The following PARD6G variants were observed in gnomAD, a reference collection of about 807,000 sequenced individuals.
PARD6G encodes the protein par-6 family cell polarity regulator gamma, also known as partitioning defective 6 homolog gamma.
Under a neutral mutation model 10.7 loss-of-function variants are expected in PARD6G, and 7 were observed. The observed-to-expected ratio is 0.66, with a 90% confidence interval of 0.37 to 1.23. The LOEUF (loss-of-function observed/expected upper bound fraction) is 1.23. Among genes scored for constraint, PARD6G ranks in the 50% most tolerant of loss-of-function variants. The probability of loss-of-function intolerance (pLI) is 0.02; values close to 1 mark genes in which losing one functional copy is unlikely to be tolerated. For synonymous variants in PARD6G, 287 were observed against 269.4 expected (o/e 1.07, Z -0.64); for missense variants, 548 against 571.8 (o/e 0.96, Z 0.42).
rs948582187 is a variant in PARD6G at position 80,228,308 on chromosome 18, G to C, written c.72+18969C>G. ...GGGAGGTGAGGGGAGGTGAGCGGAG[G>C]GGAGGCCAGGGGAGGGGAGTTCCCG... On this transcript the variant is annotated intron_variant, in intron 1 of 2. Transcript: ENST00000353265. The surrounding 1 kb of genome is among the most constrained non-coding windows in gnomAD (Gnocchi z 4.6). Among the ~76,000 whole-genome samples the C allele has an allele frequency of 3.3e-5, 5 of 152,042 alleles. No homozygotes were observed. The highest frequency in any genetic ancestry group is 2.0e-4 in the Admixed American group (3 of 15,266).
Position 80,231,744 on chromosome 18 carries a change from G to C in PARD6G, c.72+15533C>G, listed in dbSNP as rs1375644552. On this transcript the variant is annotated intron_variant, in intron 1 of 2. Coordinates refer to ENST00000353265, the MANE Select transcript of PARD6G (RefSeq NM_032510.4). The surrounding 1 kb of genome is among the most constrained non-coding windows in gnomAD (Gnocchi z 4.2). ...TCCAGCCAATGGGAGCAATTCACTC[G>C]CTCAACTTGCTCACCAAGCTGTTTG... is the stretch of plus-strand genomic sequence containing the variant. 6.6e-6 allele frequency among the ~76,000 whole-genome samples: 1 copy of C among 152,092 alleles called. No individual in the cohort carries two copies. Among genetic ancestry groups the C allele is most frequent in the Non-Finnish European group, 1.5e-5 (1 of 68,008 alleles).
Position 80,200,744 on chromosome 18 carries a change from A to C in PARD6G, c.295+1966T>G, listed in dbSNP as rs1280958097. Reference sequence around the variant, plus strand: ...ACTGAACACAGGGCCCCAGCCAGCAAGCTGGAAAGAGGCAGAGTGTCCGAG... The same window carrying C: ...ACTGAACACAGGGCCCCAGCCAGCACGCTGGAAAGAGGCAGAGTGTCCGAG... On this transcript the variant is annotated intron_variant, in intron 2 of 2. Transcript: ENST00000353265. This position sits in a 1 kb window ranked among gnomAD's most constrained non-coding sequence, Gnocchi z 4.4. Among the ~76,000 whole-genome samples the C allele has an allele frequency of 1.3e-5, 2 of 152,208 alleles. No individual in the cohort carries two copies. Among genetic ancestry groups the C allele is most frequent in the African/African-American group, 4.8e-5 (2 of 41,442 alleles).
chr18:80,180,445 G>C lies in PARD6G; in HGVS notation c.296-19839C>G, dbSNP rs987401471. 6.6e-6 allele frequency among the ~76,000 whole-genome samples: 1 copy of C among 152,184 alleles called. No individual in the cohort carries two copies. The highest frequency in any genetic ancestry group is 1.5e-5 in the Non-Finnish European group (1 of 68,018). On this transcript the variant is annotated intron_variant, in intron 2 of 2. Coordinates refer to ENST00000353265, the MANE Select transcript of PARD6G (RefSeq NM_032510.4). This position sits in a 1 kb window ranked among gnomAD's most constrained non-coding sequence, Gnocchi z 5.6. Reference sequence around the variant, plus strand: ...TCACAGAGGCTCCCAGGCTACACTGGAGGAGGCTCTGCTCCATGGTGTACA... The same window carrying C: ...TCACAGAGGCTCCCAGGCTACACTGCAGGAGGCTCTGCTCCATGGTGTACA...
At position 80,247,449 on chromosome 18, in the gene PARD6G, CG is replaced by C; in HGVS notation, c.-102del. On this transcript the variant is annotated 5_prime_UTR_variant, in exon 1 of 3. Transcript: ENST00000353265. The surrounding 1 kb of genome is among the most constrained non-coding windows in gnomAD (Gnocchi z 4.2). ...CCAGGCCCCGGCCCCGGCCCCGGCC[CG>C]CGCTCGCTTGGCCGGCGGGCTGCTC... 1 of 841,142 alleles carries C rather than the reference CG, an allele frequency of 1.2e-6. No individual in the cohort carries two copies. Among genetic ancestry groups the C allele is most frequent in the African/African-American group, 1.8e-5 (1 of 54,306 alleles). The allele number at this position is 841,142 out of a possible 1,614,324, so 52.1% of individuals were successfully genotyped here. A position where few individuals can be genotyped will look rare whatever the true frequency, so the allele number is the denominator to read the frequency against.
At chr18:80,194,493 T>C (rs1966931780) in intron 2 of PARD6G, among the ~76,000 whole-genome samples, 1 of 152,158 alleles carries the variant, frequency 6.6e-6, no homozygotes, top group Non-Finnish European at 1.5e-5. Context: ...TTAGAAATCC[T>C]TGGTTAGCAG....
chr18:80,191,573 T>C (rs1966898969), intron 2 of PARD6G, among the ~76,000 whole-genome samples: 1 of 152,224 alleles, frequency 6.6e-6, no homozygotes, highest in South Asian at 2.1e-4. Flanking sequence ...GACATATGAA[T>C]TTCTACTGGT....
At chr18:80,210,453 G>A (rs564219161) in intron 1 of PARD6G, among the ~76,000 whole-genome samples, 4 of 152,264 alleles carry the variant, frequency 2.6e-5, no homozygotes, top group African/African-American at 7.2e-5. Context: ...CTCACAGCCT[G>A]GGAGGGAGCA....
intron 1 of PARD6G, among the ~76,000 whole-genome samples, chr18:80,229,435 G>T (rs1599875001): frequency 6.6e-6 from 1 of 152,234 alleles, no homozygotes; most frequent in South Asian, 2.1e-4. Flanking sequence ...GCCCCCTCAG[G>T]CCAAGGAAGT....
At chr18:80,176,765 A>T (rs914550664) in intron 2 of PARD6G, among the ~76,000 whole-genome samples, 1 of 152,170 alleles carries the variant, frequency 6.6e-6, no homozygotes, top group African/African-American at 2.4e-5. Flanking sequence ...AAGTGGAAAA[A>T]TGCTCCTCCC....
chr18:80,158,888 AGT>A lies in PARD6G; in HGVS notation c.*881_*882del, dbSNP rs1394440605. On this transcript the variant is annotated 3_prime_UTR_variant, in exon 3 of 3. Transcript: ENST00000353265. ...CAATTCCACAGCTGCGGGTGCCATAAGTGTGCTGGTGGGAGCTCTCCTGTCCC... is the reference window on the plus strand; with the variant it reads ...CAATTCCACAGCTGCGGGTGCCATAAGTGCTGGTGGGAGCTCTCCTGTCCC... 6.6e-6 allele frequency: 1 copy of A among 152,166 alleles called. No homozygotes were observed. Among genetic ancestry groups the A allele is most frequent in the Non-Finnish European group, 1.5e-5 (1 of 68,078 alleles). The allele number at this position is 152,166 out of a possible 1,614,324, so 9.4% of individuals were successfully genotyped here.
intron 1 of PARD6G, among the ~76,000 whole-genome samples, chr18:80,215,611 A>T (rs761473169): frequency 4.5e-4 from 68 of 152,144 alleles, no homozygotes; most frequent in Admixed American, 3.9e-4. Context: ...TTAAATGTTA[A>T]TTGAAAAGCC....
intron 2 of PARD6G, chr18:80,171,792 TAAG>T (rs1330235721): frequency 6.6e-6 from 1 of 152,224 alleles, no homozygotes; most frequent in African/African-American, 2.4e-5. Flanking sequence ...CCACATTGTA[TAAG>T]GAGTTCAGTA....
Position 80,202,817 on chromosome 18 carries a change from C to T in PARD6G, c.188G>A (p.Gly63Asp). The T allele has an allele frequency of 6.2e-7, 1 of 1,613,874 alleles. No individual in the cohort carries two copies. Among genetic ancestry groups the T allele is most frequent in the Non-Finnish European group, 8.5e-7 (1 of 1,179,926 alleles). The change falls in exon 2 of 3, where the codon GGC becomes GAC. Residue 63 changes from glycine to aspartate, a missense_variant. Gly to Asp is a moderately conservative substitution (Grantham distance 94, BLOSUM62 -1). This residue lies in a region of PARD6G where 235 missense variants were observed against 291.9 expected (regional missense o/e 0.81). Coordinates refer to ENST00000353265, the MANE Select transcript of PARD6G (RefSeq NM_032510.4). ...CAGGTCTCCGTGCACATCTGCATAG[C>T]CAATAGTTACATCACTGTTGGAGAT... ...HHISNSDVTI[G>D]YADVHGDLLP...
intron 2 of PARD6G, chr18:80,169,758 G>C (rs1051836440): frequency 6.6e-6 from 1 of 152,218 alleles, no homozygotes; most frequent in African/African-American, 2.4e-5. Context: ...CAGAGCTCAC[G>C]CATCCGCCAC....
chr18:80,246,470 G>T lies in PARD6G; in HGVS notation c.72+807C>A, dbSNP rs1401268118. On this transcript the variant is annotated intron_variant, in intron 1 of 2. Coordinates refer to ENST00000353265, the MANE Select transcript of PARD6G (RefSeq NM_032510.4). This position sits in a 1 kb window ranked among gnomAD's most constrained non-coding sequence, Gnocchi z 6.7. ...CCGCCCGGGCGCAGGCAGCGGGAGG[G>T]GCCGGGCACGCCCGTGGGGGTGGTC... Among the ~76,000 whole-genome samples the T allele has an allele frequency of 3.9e-5, 6 of 152,278 alleles. No homozygotes were observed. In the East Asian group the frequency reaches 1.2e-3, roughly 29 times the overall value.
At chr18:80,232,059 G>A (rs1256284249) in intron 1 of PARD6G, among the ~76,000 whole-genome samples, 1 of 152,134 alleles carries the variant, frequency 6.6e-6, no homozygotes, top group Non-Finnish European at 1.5e-5. Context: ...GTTTTTCAGG[G>A]CATTTTTAAA....
chr18:80,210,278 G>A (rs1256017174), intron 1 of PARD6G, among the ~76,000 whole-genome samples: 1 of 152,240 alleles, frequency 6.6e-6, no homozygotes, highest in African/African-American at 2.4e-5. Context: ...AGAATACTGG[G>A]AAAAACTGTC....
rs758168573 is a variant in PARD6G, at chr18:80,159,782, C to A, written c.1120G>T (p.Val374Phe). Residue 374 changes from valine to phenylalanine, a missense_variant, in exon 3 of 3, where the codon GTC (valine) becomes TTC (phenylalanine). By Grantham distance (50) the Val-to-Phe change is conservative. Around this residue, in one of 2 missense-constraint regions of PARD6G, gnomAD observed 313 missense variants for 279.9 expected, o/e 1.12. Coordinates refer to ENST00000353265, the MANE Select transcript of PARD6G (RefSeq NM_032510.4). ...GGCCTCTCGGGAGTCTAGAGCGTGA[C>A]CGCGGGCCCGTGCTCCTCCACGCCG... Reference protein sequence around the residue: ...PGGVEEHGPAVTL With the variant: ...PGGVEEHGPAFTL The A allele has an allele frequency of 2.0e-4, 283 of 1,432,064 alleles. No homozygotes were observed. The highest frequency in any genetic ancestry group is 2.4e-4 in the Non-Finnish European group (259 of 1,098,530). The allele number at this position is 1,432,064 out of a possible 1,614,324, so 88.7% of individuals were successfully genotyped here.
At position 80,158,937 on chromosome 18, in the gene PARD6G, A is replaced by C. The variant is rs1343065008; in HGVS notation, c.*834T>G. Reference sequence around the variant, plus strand: ...TCCCAACCGAATTATGACTATGAACAGTGTGAAAATCTGGAATTCATCTCC... The same window carrying C: ...TCCCAACCGAATTATGACTATGAACCGTGTGAAAATCTGGAATTCATCTCC... On this transcript the variant is annotated 3_prime_UTR_variant, in exon 3 of 3. Transcript: ENST00000353265. 1.3e-5 allele frequency: 2 copies of C among 151,996 alleles called. No individual in the cohort carries two copies. The highest frequency in any genetic ancestry group is 4.8e-5 in the African/African-American group (2 of 41,354). The allele number at this position is 151,996 out of a possible 1,614,324, so 9.4% of individuals were successfully genotyped here.
Sources: gnomAD v4.1 joint callset for allele counts (sites outside exome capture counted in the v4.1 genomes callset) on GRCh38, gnomAD v4.1.1 for gene constraint, gnomAD v4.1.1 regional missense constraint, Gnocchi (gnomAD v3.1) non-coding constraint, MANE v1.5 for transcripts, NCBI Gene and HGNC (gene_info 2026-07-23, HGNC 2026-07-21) for gene names.